INPP5A: variants seen among roughly 807,000 people sequenced by gnomAD.
INPP5A encodes the protein 43 kDa inositol polyphosphate 5-phophatase.
Under a neutral mutation model 65.2 loss-of-function variants are expected in INPP5A, and 14 were observed. The observed-to-expected ratio is 0.21, with a 90% CI of 0.14 to 0.34. The LOEUF (loss-of-function observed/expected upper bound fraction) is 0.34, where lower values mean the gene tolerates loss of function less well. Among genes scored for constraint, INPP5A ranks in the 10% least tolerant of loss-of-function variants. The pLI, the probability that INPP5A is intolerant of heterozygous loss-of-function variation, is 1.00. For missense variants in INPP5A, 431 were observed against 545.6 expected (o/e 0.79, Z 2.09); for synonymous variants, 207 against 208.3 (o/e 0.99, Z 0.05).
At chr10:132,776,254 G>A (rs1237722264) in intron 12 of INPP5A, among the ~76,000 whole-genome samples, 1 of 152,206 alleles carries the variant, frequency 6.6e-6, no homozygotes, top group East Asian at 1.9e-4. Context: ...TAACCAAGCA[G>A]TGACTGCCCA....
intron 4 of INPP5A, among the ~76,000 whole-genome samples, chr10:132,653,024 G>A (rs894865775): frequency 3.3e-5 from 5 of 152,068 alleles, no homozygotes; most frequent in Non-Finnish European, 7.4e-5. Context: ...CCCGCCACCC[G>A]CACCCTTGGC....
intron 8 of INPP5A, among the ~76,000 whole-genome samples, chr10:132,719,106 C>A (rs113491745): frequency 5.4e-5 from 8 of 147,590 alleles, no homozygotes; most frequent in African/African-American, 2.0e-4. Flanking sequence ...TGTCTGGGCA[C>A]CTTAGACGAC....
chr10:132,734,563 TGTTG>T (rs1846143669), intron 9 of INPP5A, among the ~76,000 whole-genome samples: 1 of 152,222 alleles, frequency 6.6e-6, no homozygotes, highest in African/African-American at 2.4e-5. Flanking sequence ...AGTGTCCCAC[TGTTG>T]GCTGCCTTGT....
At position 132,555,996 on chromosome 10, in the gene INPP5A, C is replaced by T. The variant is rs2071120721; in HGVS notation, c.75+17825C>T. ...ATTCAGTTCCAGACTTGGGTGGAAC[C>T]TGAGTTGGGGTCTGCCGTGCCCTGG... On this transcript the variant is annotated intron_variant, in intron 1 of 15. Coordinates refer to ENST00000368594, the MANE Select transcript of INPP5A (RefSeq NM_005539.5). The surrounding 1 kb of genome is among the most constrained non-coding windows in gnomAD (Gnocchi z 4.4). Among the ~76,000 whole-genome samples, 1 of 151,538 alleles carries T rather than the reference C, an allele frequency of 6.6e-6. No individual in the cohort carries two copies.
chr10:132,620,073 G>C (rs1392045570), intron 2 of INPP5A, among the ~76,000 whole-genome samples: 1 of 152,198 alleles, frequency 6.6e-6, no homozygotes, highest in Non-Finnish European at 1.5e-5. Context: ...CCTAGATGTG[G>C]GGAGCACTGA....
intron 8 of INPP5A, among the ~76,000 whole-genome samples, chr10:132,716,876 C>T (rs1564979782): frequency 6.6e-6 from 1 of 152,262 alleles, no homozygotes; most frequent in Non-Finnish European, 1.5e-5. Flanking sequence ...TCCTGCCGCC[C>T]TGCACGGGGC....
rs142555628 is a variant in INPP5A at position 132,727,968 on chromosome 10, C to A, written c.732+1063C>A. Among the ~76,000 whole-genome samples the A allele has an allele frequency of 2.6e-5, 4 of 152,308 alleles. No individual in the cohort carries two copies. The East Asian group carries it at 5.8e-4, about 22-fold the overall frequency. On this transcript the variant is annotated intron_variant, in intron 9 of 15. Transcript: ENST00000368594. The surrounding 1 kb of genome is among the most constrained non-coding windows in gnomAD (Gnocchi z 6.5). Reference sequence around the variant, plus strand: ...ACACCCACACGTATTCATCTTCCAACGGTGGCAGGACATTGTTTCTGAAAG... The same window carrying A: ...ACACCCACACGTATTCATCTTCCAAAGGTGGCAGGACATTGTTTCTGAAAG...
intron 2 of INPP5A, among the ~76,000 whole-genome samples, chr10:132,620,214 A>G (rs1413152791): frequency 6.6e-6 from 1 of 152,198 alleles, no homozygotes; most frequent in Non-Finnish European, 1.5e-5. Context: ...CCTTTTTGTC[A>G]TTGTCTCGTC....
At chr10:132,625,841 TG>T (rs2072175620) in intron 2 of INPP5A, among the ~76,000 whole-genome samples, 11 of 1,782 alleles carry the variant, frequency 6.2e-3, no homozygotes, top group African/African-American at 0.017. Context: ...GCAGGACTTC[TG>T]TGTGTGTGTG....
intron 8 of INPP5A, among the ~76,000 whole-genome samples, chr10:132,718,970 G>C (rs1375096596): frequency 1.7e-4 from 23 of 138,352 alleles, no homozygotes; most frequent in African/African-American, 3.9e-4. Context: ...CGACTGTCTT[G>C]CGGGTTCTGT....
At chr10:132,681,048 G>A (rs867761740) in intron 4 of INPP5A, among the ~76,000 whole-genome samples, 18 of 152,120 alleles carry the variant, frequency 1.2e-4, no homozygotes, top group African/African-American at 4.3e-4. Context: ...GGCGCACAGC[G>A]CGGGACTGGC....
intron 2 of INPP5A, among the ~76,000 whole-genome samples, chr10:132,630,964 G>T (rs1590880604): frequency 6.6e-6 from 1 of 152,298 alleles, no homozygotes; most frequent in African/African-American, 2.4e-5. Flanking sequence ...TAAGTCACTT[G>T]CCCTATCTCT....
Position 132,637,564 on chromosome 10 carries a change from G to A in INPP5A, c.118-8304G>A, listed in dbSNP as rs1048654939. Among the ~76,000 whole-genome samples the A allele has an allele frequency of 6.6e-6, 1 of 152,068 alleles. No homozygotes were observed. The highest frequency in any genetic ancestry group is 1.5e-5 in the Non-Finnish European group (1 of 68,018). On this transcript the variant is annotated intron_variant, in intron 2 of 15. Transcript: ENST00000368594. The surrounding 1 kb of genome is among the most constrained non-coding windows in gnomAD (Gnocchi z 4.1). ...TTCTCTCACGCTGTTTTCTCTGTGC[G>A]ATTTTGCTTTCTCAGTGGATTTTTC... is the stretch of plus-strand genomic sequence containing the variant.
At chr10:132,779,799 G>C in intron 13 of INPP5A, among the ~76,000 whole-genome samples, 1 of 152,326 alleles carries the variant, frequency 6.6e-6, no homozygotes, top group Admixed American at 6.5e-5. Context: ...ACCAAGCTCC[G>C]TTCTGCCTCC....
At chr10:132,728,153 G>T (rs375512802) in intron 9 of INPP5A, among the ~76,000 whole-genome samples, 6 of 152,214 alleles carry the variant, frequency 3.9e-5, no homozygotes, top group Non-Finnish European at 5.9e-5. Context: ...TTGCCTAAAC[G>T]TTCAGTGGCT....
intron 1 of INPP5A, among the ~76,000 whole-genome samples, chr10:132,565,984 G>A (rs1029001428): frequency 6.6e-6 from 1 of 152,012 alleles, no homozygotes; most frequent in Non-Finnish European, 1.5e-5. Flanking sequence ...TGGAGCAGTC[G>A]TAGACAAGAG....
chr10:132,782,326 G>A lies in INPP5A; in HGVS notation c.*297G>A, dbSNP rs1231946391. ...ATAGACAGCAAAGAGGGTCTGTACC[G>A]TAGACTTCACAGTTTTCAGTTTTTA... is the stretch of plus-strand genomic sequence containing the variant. On this transcript the variant is annotated 3_prime_UTR_variant, in exon 16 of 16. Transcript: ENST00000368594. The surrounding 1 kb of genome is among the most constrained non-coding windows in gnomAD (Gnocchi z 4.4). 1.8e-5 allele frequency: 6 copies of A among 340,408 alleles called. No homozygotes were observed. The highest frequency in any genetic ancestry group is 7.0e-5 in the South Asian group (3 of 42,988). The allele number at this position is 340,408 out of a possible 1,614,324, so 21.1% of individuals were successfully genotyped here. A position where few individuals can be genotyped will look rare whatever the true frequency, so the allele number is the denominator to read the frequency against.
chr10:132,776,231 G>C (rs79791053), intron 12 of INPP5A, among the ~76,000 whole-genome samples: 2 of 152,192 alleles, frequency 1.3e-5, no homozygotes, highest in Non-Finnish European at 2.9e-5. Context: ...CAGGCCCTGC[G>C]TAGCTACGTT....
rs1381574924 is a variant in INPP5A at position 132,706,378 on chromosome 10, T to C, written c.475-1935T>C. Among the ~76,000 whole-genome samples, 2 of 152,206 alleles carry C rather than the reference T, an allele frequency of 1.3e-5. No individual in the cohort carries two copies. Among genetic ancestry groups the C allele is most frequent in the Non-Finnish European group, 2.9e-5 (2 of 68,034 alleles). ...TAAAAATTTAATTCCCGAGCACAAT[T>C]TGGATACAGAGCAGGATATATAAAA... is the stretch of plus-strand genomic sequence containing the variant. On this transcript the variant is annotated intron_variant, in intron 6 of 15. Transcript: ENST00000368594. This position sits in a 1 kb window ranked among gnomAD's most constrained non-coding sequence, Gnocchi z 4.7.
Sources: gnomAD v4.1 joint callset for allele counts (sites outside exome capture counted in the v4.1 genomes callset) on GRCh38, gnomAD v4.1.1 for gene constraint, Gnocchi (gnomAD v3.1) non-coding constraint, MANE v1.5 for transcripts, NCBI Gene and HGNC (gene_info 2026-07-23, HGNC 2026-07-21) for gene names.